The following B3GALT1 variants were observed in gnomAD, a reference collection of about 807,000 sequenced individuals.
The protein encoded by B3GALT1 is UDP-Gal:betaGlcNAc beta 1,3-galactosyltransferase, polypeptide 1.
A neutral mutation model predicts 23.2 loss-of-function variants in B3GALT1; 10 were observed. The observed-to-expected ratio is 0.43, with a 90% confidence interval of 0.27 to 0.73. B3GALT1 has a LOEUF of 0.73. Among genes scored for constraint, B3GALT1 ranks in the 30% least tolerant of loss-of-function variants. The probability of loss-of-function intolerance (pLI) is 0.21; values close to 1 mark genes in which losing one functional copy is unlikely to be tolerated. For missense variants in B3GALT1, 299 were observed against 405.4 expected (o/e 0.74, Z 2.25); for synonymous variants, 156 against 141.5 (o/e 1.10, Z -0.73).
chr2:167,711,059 T>C (rs1687040774), intron 3 of B3GALT1, among the ~76,000 whole-genome samples: 1 of 152,084 alleles, frequency 6.6e-6, no homozygotes, highest in South Asian at 2.1e-4. Context: ...AAACTCATCT[T>C]TTACCCATCT....
intron 2 of B3GALT1, among the ~76,000 whole-genome samples, chr2:167,579,820 C>G (rs547587195): frequency 1.3e-5 from 2 of 152,162 alleles, no homozygotes; most frequent in South Asian, 4.2e-4. Context: ...ATTAATCTGT[C>G]TGTCTTTAAA....
Position 167,418,455 on chromosome 2 carries a change from G to A in B3GALT1, c.-510-71722G>A, listed in dbSNP as rs140101947. On this transcript the variant is annotated intron_variant, in intron 1 of 4. Transcript: ENST00000392690. Reference sequence around the variant, plus strand: ...CTCATGTTTTTCTAGGTGATTGAAGGTAGCTTACCAGAAGGGAAGCCAGTT... The same window carrying A: ...CTCATGTTTTTCTAGGTGATTGAAGATAGCTTACCAGAAGGGAAGCCAGTT... Among the ~76,000 whole-genome samples, 734 of 151,898 alleles carry A rather than the reference G, an allele frequency of 4.8e-3. 6 individuals are homozygous for A. Among genetic ancestry groups the A allele is most frequent in the East Asian group, 0.018 (91 of 5,162 alleles).
At chr2:167,644,779 TAAAAAAAAAAAAA>T (rs199652424) in intron 2 of B3GALT1, among the ~76,000 whole-genome samples, 23 of 91,140 alleles carry the variant, frequency 2.5e-4, no homozygotes, top group Non-Finnish European at 2.7e-4. Context: ...GACTCTGTCT[TAAAAAAAAAAAAA>T]AAAAAAAAAA....
chr2:167,366,377 T>C (rs935568120), intron 1 of B3GALT1, among the ~76,000 whole-genome samples: 2 of 152,172 alleles, frequency 1.3e-5, no homozygotes, highest in African/African-American at 2.4e-5. Flanking sequence ...TAGAATAGTT[T>C]TGAAAGCACA....
At chr2:167,863,509 T>C (rs1676808955) in intron 4 of B3GALT1, among the ~76,000 whole-genome samples, 1 of 150,602 alleles carries the variant, frequency 6.6e-6, no homozygotes, top group African/African-American at 2.4e-5. Flanking sequence ...GTGCCCTCTC[T>C]TTATGTTTAA....
intron 2 of B3GALT1, among the ~76,000 whole-genome samples, chr2:167,636,345 C>T (rs1041862337): frequency 6.6e-6 from 1 of 151,516 alleles, no homozygotes; most frequent in Non-Finnish European, 1.5e-5. Flanking sequence ...AAGATATGCT[C>T]TGTAAGAAGG....
At chr2:167,491,229 C>T (rs901543196) in intron 2 of B3GALT1, among the ~76,000 whole-genome samples, 2 of 152,162 alleles carry the variant, frequency 1.3e-5, no homozygotes, top group African/African-American at 4.8e-5. Context: ...TGACTCAAAG[C>T]CAGACTGAAT....
chr2:167,775,883 C>T (rs981183368), intron 3 of B3GALT1, among the ~76,000 whole-genome samples: 3 of 152,072 alleles, frequency 2.0e-5, no homozygotes, highest in African/African-American at 2.4e-5. Flanking sequence ...AGCTCTACTC[C>T]GGGAACTGTC....
At chr2:167,781,268 A>G (rs1246016678) in intron 3 of B3GALT1, among the ~76,000 whole-genome samples, 1 of 152,196 alleles carries the variant, frequency 6.6e-6, no homozygotes, top group Admixed American at 6.5e-5. Context: ...AAAGAGAATG[A>G]TGGACCATTT....
intron 1 of B3GALT1, among the ~76,000 whole-genome samples, chr2:167,384,225 T>G (rs1166543856): frequency 5.9e-5 from 9 of 152,178 alleles, no homozygotes; most frequent in Non-Finnish European, 1.5e-5. Flanking sequence ...TGTTAGCTAT[T>G]GGTAAAATGG....
intron 3 of B3GALT1, among the ~76,000 whole-genome samples, chr2:167,690,679 A>C (rs1186160059): frequency 6.6e-6 from 1 of 152,166 alleles, no homozygotes; most frequent in African/African-American, 2.4e-5. Context: ...GAGCTGAAAT[A>C]GTTTTATTGA....
chr2:167,403,490 G>A (rs570946946), intron 1 of B3GALT1, among the ~76,000 whole-genome samples: 2 of 151,770 alleles, frequency 1.3e-5, no homozygotes, highest in African/African-American at 4.8e-5. Flanking sequence ...CATACGTGCA[G>A]AGCACCATGT....
At chr2:167,835,548 G>A (rs1051067020) in intron 4 of B3GALT1, among the ~76,000 whole-genome samples, 2 of 152,230 alleles carry the variant, frequency 1.3e-5, no homozygotes, top group African/African-American at 2.4e-5. Flanking sequence ...ACTGGGTGGA[G>A]CCCACCACAG....
intron 1 of B3GALT1, among the ~76,000 whole-genome samples, chr2:167,357,604 A>T (rs967054994): frequency 3.9e-5 from 6 of 152,146 alleles, no homozygotes; most frequent in Non-Finnish European, 7.4e-5. Flanking sequence ...AAGCCAATCT[A>T]TTCTGTCAGG....
intron 2 of B3GALT1, among the ~76,000 whole-genome samples, chr2:167,586,339 G>A (rs547925777): frequency 1.5e-4 from 23 of 152,064 alleles, no homozygotes; most frequent in African/African-American, 4.6e-4. Context: ...TTGCTCAGTC[G>A]CCCAGGCTGG....
chr2:167,716,353 T>C (rs192500601), intron 3 of B3GALT1, among the ~76,000 whole-genome samples: 179 of 152,268 alleles, frequency 1.2e-3, no homozygotes, highest in African/African-American at 4.0e-3. Context: ...TCACATCACA[T>C]ATTTTGAAGC....
chr2:167,350,587 C>T (rs540322336), intron 1 of B3GALT1, among the ~76,000 whole-genome samples: 1 of 152,290 alleles, frequency 6.6e-6, no homozygotes, highest in South Asian at 2.1e-4. Flanking sequence ...CCCTCTGCAT[C>T]CAGCGTATGA....
At chr2:167,568,822 TTC>T (rs943530228) in intron 2 of B3GALT1, among the ~76,000 whole-genome samples, 1 of 151,936 alleles carries the variant, frequency 6.6e-6, no homozygotes, top group African/African-American at 2.4e-5. Flanking sequence ...CATCAAGATT[TTC>T]TTTCTCCTGT....
At chr2:167,348,680 C>G (rs1697262075) in intron 1 of B3GALT1, among the ~76,000 whole-genome samples, 1 of 152,036 alleles carries the variant, frequency 6.6e-6, no homozygotes. Flanking sequence ...TTTATTCATT[C>G]AGGATGTAAG....
Sources: gnomAD v4.1 joint callset for allele counts (sites outside exome capture counted in the v4.1 genomes callset) on GRCh38, gnomAD v4.1.1 for gene constraint, MANE v1.5 for transcripts, NCBI Gene and HGNC (gene_info 2026-07-23, HGNC 2026-07-21) for gene names.